FKBP6: variants seen among roughly 807,000 people sequenced by gnomAD.
FKBP6 encodes the protein inactive peptidyl-prolyl cis-trans isomerase FKBP6.
FKBP6 carries 29 observed loss-of-function variants against 41.7 expected under a neutral mutation model. That is an observed-to-expected ratio of 0.70 (90% CI 0.52 to 0.95). The LOEUF is 0.95. Among genes scored for constraint, FKBP6 ranks in the 40% least tolerant of loss-of-function variants. FKBP6 has a pLI of 0.00. For missense variants in FKBP6, 338 were observed against 408.7 expected, an observed-to-expected ratio of 0.83 and a Z score of 1.49; for synonymous variants, 130 against 165.1, an observed-to-expected ratio of 0.79 and a Z score of 1.63.
chr7:73,355,327 G>A (rs1008320189), intron 8 of FKBP6, among the ~76,000 whole-genome samples: 3 of 152,196 alleles, frequency 2.0e-5, no homozygotes, highest in Non-Finnish European at 2.9e-5. Context: ...TTGCACCTCT[G>A]TGCGATACAT....
In FKBP6 at chr7:73,353,550, C is replaced by T. The variant is rs367955109; in HGVS notation, c.*3-4631C>T. Among the ~76,000 whole-genome samples the T allele has an allele frequency of 1.3e-4, 20 of 152,282 alleles. No individual in the cohort carries two copies. In the East Asian group the frequency reaches 2.7e-3, roughly 21 times the overall value. ...GCTGGGGCCTGATGGACACAGCTCA[C>T]CTCATCTTTCTGCTGTTTGTTTACT... is the stretch of plus-strand genomic sequence containing the variant. On this transcript the variant is annotated intron_variant, in intron 8 of 8. Transcript: ENST00000252037.
rs1554549368 is a variant in FKBP6 at position 73,340,787 on chromosome 7, G to A, written c.738G>A (p.Leu246=). 17 of 1,614,102 alleles carry A rather than the reference G, an allele frequency of 1.1e-5. No homozygotes were observed. The highest frequency in any genetic ancestry group is 3.3e-5 in the Admixed American group (2 of 60,012). ...TIALCYGEQA[L]IIDQKNAKAL... ...CCCTGTGCTATGGAGAGCAGGCTTT[G>A]ATCATTGACCAAAAGAATGCCAAGG... Residue 246 remains leucine, a synonymous_variant, in exon 6 of 9, where the codon TTG becomes TTA. Transcript: ENST00000252037.
At chr7:73,350,076 T>G (rs1004620694) in intron 8 of FKBP6, among the ~76,000 whole-genome samples, 2 of 152,258 alleles carry the variant, frequency 1.3e-5, no homozygotes, top group Admixed American at 6.5e-5. Flanking sequence ...AAATATATAT[T>G]TCTGACTATG....
At chr7:73,328,534 T>A (rs1554546764) in intron 1 of FKBP6, 41 bp from the exon 2 acceptor site, 1 of 1,555,730 alleles carries the variant, frequency 6.4e-7, no homozygotes, top group South Asian at 1.1e-5. Flanking sequence ...GGTGGCCGGG[T>A]GGGTCTGCGG....
intron 4 of FKBP6, among the ~76,000 whole-genome samples, chr7:73,331,140 CCA>C (rs1554547626): frequency 1.3e-5 from 2 of 152,164 alleles, no homozygotes; most frequent in Non-Finnish European, 2.9e-5. Flanking sequence ...GGGGCCGGGA[CCA>C]GAGAGGCTCT....
At chr7:73,354,696 A>G (rs1235653940) in intron 8 of FKBP6, among the ~76,000 whole-genome samples, 2 of 152,190 alleles carry the variant, frequency 1.3e-5, no homozygotes, top group Non-Finnish European at 2.9e-5. Flanking sequence ...CACGTTTACT[A>G]TGTACAGCCT....
chr7:73,345,507 G>A (rs909242211), intron 8 of FKBP6, among the ~76,000 whole-genome samples: 74 of 152,166 alleles, frequency 4.9e-4, no homozygotes, highest in African/African-American at 1.6e-3. Flanking sequence ...CAGGACTCCG[G>A]CCTGGTTGGG....
chr7:73,351,966 T>C (rs1805502753), intron 8 of FKBP6, among the ~76,000 whole-genome samples: 1 of 152,182 alleles, frequency 6.6e-6, no homozygotes, highest in African/African-American at 2.4e-5. Flanking sequence ...AGGGTGAAGC[T>C]GAATCACTTT....
rs538406698 is a variant in FKBP6, at chr7:73,357,435, T to G, written c.*3-746T>G. Among the ~76,000 whole-genome samples, 12 of 152,038 alleles carry G rather than the reference T, an allele frequency of 7.9e-5. No individual in the cohort carries two copies. In the East Asian group the frequency reaches 2.3e-3, roughly 30 times the overall value. ...CCACCACGCCTGGCTAATTTTTGTA[T>G]TTTTAGTAGAGATGGGGTTTAATCA... is the stretch of plus-strand genomic sequence containing the variant. On this transcript the variant is annotated intron_variant, in intron 8 of 8. Coordinates refer to ENST00000252037, the MANE Select transcript of FKBP6 (RefSeq NM_003602.5).
At chr7:73,328,760 A>G in intron 2 of FKBP6, 68 bp downstream of exon 2, 1 of 1,611,314 alleles carries the variant, frequency 6.2e-7, no homozygotes. Context: ...GAGAGGCCTC[A>G]TTTTCAAAAA....
At position 73,328,465 on chromosome 7, in the gene FKBP6, G is replaced by A. The variant is rs1167510209; in HGVS notation, c.37G>A (p.Gly13Arg). 1.5e-5 allele frequency: 23 copies of A among 1,553,478 alleles called. No homozygotes were observed. The Admixed American group carries it at 3.8e-4, about 25-fold the overall frequency. The change falls in exon 1 of 9, where the codon GGG (glycine) becomes AGG (arginine). Residue 13 changes from glycine to arginine, a missense_variant. By Grantham distance (125) the Gly-to-Arg change is moderately radical (BLOSUM62 -2). Around this residue, in one of 2 missense-constraint regions of FKBP6, gnomAD observed 99 missense variants for 158.6 expected, o/e 0.62. Coordinates refer to ENST00000252037, the MANE Select transcript of FKBP6 (RefSeq NM_003602.5). ...CGCGTTAAACCAGGGAGTCCTGGAA[G>A]GGGACGACGCCCCCGGCCAGGTGAG... ...GSALNQGVLE[G>R]DDAPGQSLYE... is the part of the protein sequence containing the mutation.
At position 73,336,266 on chromosome 7, in the gene FKBP6, C is replaced by T. The variant is rs543299988; in HGVS notation, c.589-4372C>T. Among the ~76,000 whole-genome samples the T allele has an allele frequency of 2.0e-5, 3 of 152,286 alleles. 1 individual carries two copies. In the South Asian group the frequency reaches 6.2e-4, roughly 32 times the overall value. ...CCTGAGAGCTGTCTTGTCCTTTCCACCATAAATTCTCGGCAGGAAAAAAGA... is the reference window on the plus strand; with the variant it reads ...CCTGAGAGCTGTCTTGTCCTTTCCATCATAAATTCTCGGCAGGAAAAAAGA... On this transcript the variant is annotated intron_variant, in intron 5 of 8. Transcript: ENST00000252037.
chr7:73,344,105 T>G (rs1554549984), intron 8 of FKBP6, among the ~76,000 whole-genome samples: 3 of 152,198 alleles, frequency 2.0e-5, no homozygotes, highest in African/African-American at 4.8e-5. Flanking sequence ...TCTTCAGAAC[T>G]GAGATGTGAG....
Position 73,329,633 on chromosome 7 carries a change from G to A in FKBP6, c.265+184G>A, listed in dbSNP as rs1359769556. On this transcript the variant is annotated intron_variant, in intron 3 of 8. Coordinates refer to ENST00000252037, the MANE Select transcript of FKBP6 (RefSeq NM_003602.5). ...CTAGGCATTTGGGAGATGGCTTAAC[G>A]GGCAAGGTATAATCTTTGCACTCTG... The A allele has an allele frequency of 1.4e-5, 9 of 637,974 alleles. No homozygotes were observed. In the East Asian group the frequency reaches 1.9e-4, roughly 13 times the overall value. 39.5% of individuals were successfully genotyped at this position (637,974 alleles called of 1,614,324 possible). A position where few individuals can be genotyped will look rare whatever the true frequency, so the allele number is the denominator to read the frequency against.
chr7:73,341,454 C>T, intron 7 of FKBP6, 72 bp downstream of exon 7: 7 of 962,712 alleles, frequency 7.3e-6, no homozygotes, highest in Non-Finnish European at 1.2e-5. Flanking sequence ...CCCACCCCCC[C>T]CAACAAAGGA....
intron 8 of FKBP6, among the ~76,000 whole-genome samples, chr7:73,355,519 GA>G (rs1805605722): frequency 6.6e-6 from 1 of 152,030 alleles, no homozygotes; most frequent in Non-Finnish European, 1.5e-5. Context: ...CATGCCTGGA[GA>G]ATATTGATTT....
chr7:73,329,406 T>C lies in FKBP6; in HGVS notation c.222T>C (p.Ser74=), dbSNP rs1554547111. The change falls in exon 3 of 9, where the codon TCT becomes TCC. Residue 74 remains serine, a synonymous_variant. Coordinates refer to ENST00000252037, the MANE Select transcript of FKBP6 (RefSeq NM_003602.5). ...AACACATGGACAGACCCTTCGATTC[T>C]AATTACTTTAGGAAAACTCCTCGGC... is the stretch of plus-strand genomic sequence containing the variant. ...YLEHMDRPFD[S]NYFRKTPRLM... 1 of 1,609,372 alleles carries C rather than the reference T, an allele frequency of 6.2e-7. No homozygotes were observed. The highest frequency in any genetic ancestry group is 8.5e-7 in the Non-Finnish European group (1 of 1,175,642).
chr7:73,340,766 G>T lies in FKBP6; in HGVS notation c.717G>T (p.Leu239=). The T allele has an allele frequency of 6.2e-7, 1 of 1,614,016 alleles. No individual in the cohort carries two copies. The highest frequency in any genetic ancestry group is 8.5e-7 in the Non-Finnish European group (1 of 1,179,988). ...YLKLDRPTIA[L]CYGEQALIID... ...AGCTAGACCGACCCACCATAGCCCT[G>T]TGCTATGGAGAGCAGGCTTTGATCA... Residue 239 remains leucine, a synonymous_variant, in exon 6 of 9, where the codon CTG becomes CTT. Transcript: ENST00000252037.
At chr7:73,333,545 C>T (rs1260078128) in intron 5 of FKBP6, among the ~76,000 whole-genome samples, 1 of 152,180 alleles carries the variant, frequency 6.6e-6, no homozygotes, top group African/African-American at 2.4e-5. Context: ...ATAACACAAG[C>T]ACCAGACTCT....
Sources: allele counts gnomAD v4.1 joint callset (sites outside exome capture counted in the v4.1 genomes callset), GRCh38; gene constraint gnomAD v4.1.1; regional missense constraint gnomAD v4.1.1; transcripts MANE v1.5; gene names NCBI Gene and HGNC (gene_info 2026-07-23, HGNC 2026-07-21).